Variants in RPSA2 observed in about 807,000 individuals in gnomAD.
The protein encoded by RPSA2 is small ribosomal subunit protein uS2B.
the RPSA2 span, among the ~76,000 whole-genome samples, chr19:23,816,970 A>T: frequency 6.6e-6 from 1 of 152,150 alleles, no homozygotes; most frequent in South Asian, 2.1e-4. Flanking sequence ...GCCAAACCAT[A>T]TTATTTTAAA....
the RPSA2 span, among the ~76,000 whole-genome samples, chr19:23,842,222 C>T: frequency 2.6e-5 from 4 of 152,176 alleles, no homozygotes; most frequent in Non-Finnish European, 5.9e-5. Context: ...GTGACTTCTC[C>T]ATGTGAGAAC....
chr19:23,817,623 A>G, the RPSA2 span: 3 of 152,180 alleles, frequency 2.0e-5, no homozygotes, highest in African/African-American at 7.2e-5. Flanking sequence ...GATTTTATTA[A>G]GGTGCACCCT....
the RPSA2 span, chr19:23,831,998 A>G: frequency 3.0e-5 from 12 of 402,846 alleles, no homozygotes; most frequent in Admixed American, 1.5e-4. Context: ...AAAACCTTTA[A>G]TTGGTCCTCA....
At chr19:23,844,879 A>G in the RPSA2 span, among the ~76,000 whole-genome samples, 2 of 150,908 alleles carry the variant, frequency 1.3e-5, no homozygotes, top group Non-Finnish European at 3.0e-5. Context: ...TTGGCTGTGC[A>G]TTTATCTAGT....
At chr19:23,774,100 A>G in the RPSA2 span, among the ~76,000 whole-genome samples, 1 of 152,120 alleles carries the variant, frequency 6.6e-6, no homozygotes, top group African/African-American at 2.4e-5. Context: ...CTCACAGGGG[A>G]CATTGTGACA....
At chr19:23,840,606 A>G in the RPSA2 span, among the ~76,000 whole-genome samples, 2 of 152,222 alleles carry the variant, frequency 1.3e-5, no homozygotes, top group African/African-American at 2.4e-5. Context: ...GAATGAATTC[A>G]AAGAAATGTG....
chr19:23,823,608 G>A, the RPSA2 span: 1 of 152,190 alleles, frequency 6.6e-6, no homozygotes, highest in African/African-American at 2.4e-5. Flanking sequence ...TAGTCACTTG[G>A]GGTGTAAGTT....
the RPSA2 span, among the ~76,000 whole-genome samples, chr19:23,791,126 A>G: frequency 1.4e-4 from 22 of 152,148 alleles, no homozygotes; most frequent in African/African-American, 5.3e-4. Flanking sequence ...TGGGTGTCAC[A>G]ATGAAAGTAT....
the RPSA2 span, chr19:23,827,409 G>A: frequency 6.9e-7 from 1 of 1,455,358 alleles, no homozygotes; most frequent in Non-Finnish European, 9.5e-7. Context: ...AGGAATACTG[G>A]CCAGAGGGCT....
chr19:23,848,633 C>T, the RPSA2 span, among the ~76,000 whole-genome samples: 1 of 152,200 alleles, frequency 6.6e-6, no homozygotes, highest in Admixed American at 6.5e-5. Context: ...CATGAATGAT[C>T]AGTCTTGTTG....
At chr19:23,798,251 T>C in the RPSA2 span, among the ~76,000 whole-genome samples, 6 of 152,286 alleles carry the variant, frequency 3.9e-5, no homozygotes, top group South Asian at 2.1e-4. Flanking sequence ...AAAACAGAAT[T>C]ATAAGGACTA....
At chr19:23,813,581 T>C in the RPSA2 span, among the ~76,000 whole-genome samples, 2 of 152,094 alleles carry the variant, frequency 1.3e-5, no homozygotes, top group Non-Finnish European at 2.9e-5. Context: ...AAATATGTCT[T>C]GAAGGTCCTA....
the RPSA2 span, among the ~76,000 whole-genome samples, chr19:23,858,034 T>C: frequency 6.6e-6 from 1 of 152,010 alleles, no homozygotes; most frequent in Admixed American, 6.6e-5. Context: ...GTTTATTGCA[T>C]AGAATCATTT....
At chr19:23,795,471 G>A in the RPSA2 span, among the ~76,000 whole-genome samples, 2 of 151,708 alleles carry the variant, frequency 1.3e-5, no homozygotes, top group African/African-American at 2.4e-5. Flanking sequence ...TTTGTATTTG[G>A]CATGGATGTT....
chr19:23,851,718 A>G, the RPSA2 span, among the ~76,000 whole-genome samples: 2 of 152,300 alleles, frequency 1.3e-5, no homozygotes, highest in East Asian at 1.9e-4. Context: ...CATAACCAGC[A>G]TTTCCGTTAC....
At chr19:23,855,198 G>A in the RPSA2 span, among the ~76,000 whole-genome samples, 2 of 152,162 alleles carry the variant, frequency 1.3e-5, no homozygotes, top group Admixed American at 6.5e-5. Context: ...CCTGTGAACT[G>A]AGCTTGAGTA....
At chr19:23,825,655 C>T in the RPSA2 span, among the ~76,000 whole-genome samples, 1 of 152,088 alleles carries the variant, frequency 6.6e-6, no homozygotes, top group African/African-American at 2.4e-5. Context: ...GGCGCGATCT[C>T]AGCTCACTGC....
At chr19:23,812,589 G>T in the RPSA2 span, among the ~76,000 whole-genome samples, 2 of 151,844 alleles carry the variant, frequency 1.3e-5, no homozygotes, top group Non-Finnish European at 2.9e-5. Context: ...ATTAGAGACG[G>T]GGTTTCTCCA....
the RPSA2 span, among the ~76,000 whole-genome samples, chr19:23,773,073 CTGTGTGTATGTG>C: frequency 0.017 from 11 of 656 alleles, no homozygotes; most frequent in Admixed American, 0.031. Context: ...CCGTCTCCTC[CTGTGTGTATGTG>C]TGTGTATATA....
Sources: gnomAD v4.1 joint callset for allele counts (sites outside exome capture counted in the v4.1 genomes callset) on GRCh38, gnomAD v4.1.1 for gene constraint, MANE v1.5 for transcripts, NCBI Gene and HGNC (gene_info 2026-07-23, HGNC 2026-07-21) for gene names.